ANXA3: variants seen among roughly 807,000 people sequenced by gnomAD.
ANXA3 encodes annexin A3.
Under a neutral mutation model 48.8 loss-of-function variants are expected in ANXA3, and 46 were observed. The ratio of observed to expected loss-of-function variants is 0.94; its 90% CI spans 0.74 to 1.21. The LOEUF is 1.21. ANXA3 is among the 50% of genes most tolerant of loss of function. The probability of loss-of-function intolerance (pLI) is 0.00; values close to 1 mark genes in which losing one functional copy is unlikely to be tolerated. For missense variants in ANXA3, 383 were observed against 378.6 expected, an observed-to-expected ratio of 1.01 and a Z score of -0.10; for synonymous variants, 128 against 134.7, an observed-to-expected ratio of 0.95 and a Z score of 0.35.
chr4:78,601,595 C>G, intron 11 of ANXA3, 27 bp downstream of exon 11: 1 of 1,595,402 alleles, frequency 6.3e-7, no homozygotes, highest in Non-Finnish European at 8.6e-7. Context: ...CATGTGCATT[C>G]TTAGCGTCCC....
rs760747456 is a variant in ANXA3, at chr4:78,610,109, T to C, written c.966T>C (p.Asp322=). 2 of 1,609,912 alleles carry C rather than the reference T, an allele frequency of 1.2e-6. No individual in the cohort carries two copies. The highest frequency in any genetic ancestry group is 2.7e-5 in the African/African-American group (2 of 74,810). ...EITLLKICGG[D]D ...CACTCTTAAAAATCTGTGGTGGAGA[T>C]GACTGAACCAAGAAGATAATCTCCA... The change falls in exon 13 of 13, where the codon GAT becomes GAC. Residue 322 remains aspartate (D), a synonymous_variant. Transcript: ENST00000264908.
At chr4:78,569,897 C>T (rs1409058420) in intron 2 of ANXA3, among the ~76,000 whole-genome samples, 1 of 152,176 alleles carries the variant, frequency 6.6e-6, no homozygotes, top group African/African-American at 2.4e-5. Context: ...GACTGGGTTT[C>T]TTCCATTTTC....
In ANXA3 at chr4:78,595,392, T is replaced by A. The variant is rs769201266; in HGVS notation, c.495T>A (p.Asp165Glu). 21 of 1,613,118 alleles carry A rather than the reference T, an allele frequency of 1.3e-5. No homozygotes were observed. Among genetic ancestry groups the A allele is most frequent in the Admixed American group, 1.7e-5 (1 of 59,758 alleles). ...GTCCTCCTGTTTAGGGCAGAAGAGA[T>A]GAAAGTCTGAAAGTGGATGAGCATC... ...ALLTLADGRR[D>E]ESLKVDEHLA... Residue 165 changes from aspartate to glutamate, a missense_variant, in exon 8 of 13, where the codon GAT (aspartate) becomes GAA (glutamate). Coordinates refer to ENST00000264908, the MANE Select transcript of ANXA3 (RefSeq NM_005139.3).
chr4:78,567,488 CAT>C (rs140719239), intron 2 of ANXA3, among the ~76,000 whole-genome samples: 2,709 of 152,244 alleles, frequency 0.018, 93 homozygotes, highest in African/African-American at 0.062. Flanking sequence ...AGTTTATTAA[CAT>C]GTGTATTTTG....
chr4:78,566,726 G>A (rs1023098821), intron 2 of ANXA3, among the ~76,000 whole-genome samples: 3 of 152,048 alleles, frequency 2.0e-5, no homozygotes, highest in Non-Finnish European at 2.9e-5. Context: ...CTCACTAGTC[G>A]GGTGACGGGT....
At chr4:78,596,926 T>C (rs1259223633) in intron 9 of ANXA3, 2 of 189,604 alleles carry the variant, frequency 1.1e-5, no homozygotes, top group Non-Finnish European at 2.1e-5. Context: ...AGAATTAAGA[T>C]TTCTTTACCA....
At chr4:78,570,674 A>G (rs571422067) in intron 2 of ANXA3, among the ~76,000 whole-genome samples, 2 of 152,336 alleles carry the variant, frequency 1.3e-5, no homozygotes, top group East Asian at 1.9e-4. Flanking sequence ...GACTTGATCA[A>G]ATTCTCTGGT....
chr4:78,552,027 G>GT (rs1722398035), intron 1 of ANXA3, 168 bp downstream of exon 1: 1 of 152,366 alleles, frequency 6.6e-6, no homozygotes, highest in South Asian at 2.1e-4. Context: ...AGCTGCGTGG[G>GT]TGGGGAGCTG....
At chr4:78,565,373 T>G (rs1371846791) in intron 2 of ANXA3, among the ~76,000 whole-genome samples, 1 of 152,160 alleles carries the variant, frequency 6.6e-6, no homozygotes, top group African/African-American at 2.4e-5. Context: ...ACTCAGATGT[T>G]CAAGTACGGG....
chr4:78,583,147 TG>T lies in ANXA3; in HGVS notation c.312+860del, dbSNP rs749671660. ...TGAGCTCAGGAGTTTGAAATCAGCC[TG>T]GGCAACTTGGAGAAACCCTGTCTCT... is the stretch of plus-strand genomic sequence containing the variant. On this transcript the variant is annotated intron_variant, in intron 5 of 12. Transcript: ENST00000264908. 1.3e-3 allele frequency among the ~76,000 whole-genome samples: 203 copies of T among 150,566 alleles called. 1 individual carries two copies. Among genetic ancestry groups the T allele is most frequent in the East Asian group, 3.2e-3 (16 of 5,060 alleles).
chr4:78,564,965 T>G (rs918253116), intron 2 of ANXA3, among the ~76,000 whole-genome samples: 7 of 150,714 alleles, frequency 4.6e-5, no homozygotes, highest in African/African-American at 1.7e-4. Flanking sequence ...CAGTGTGAAA[T>G]AGGGGAGTGA....
chr4:78,592,374 G>A (rs563104990), intron 7 of ANXA3, among the ~76,000 whole-genome samples: 1 of 152,288 alleles, frequency 6.6e-6, no homozygotes, highest in Non-Finnish European at 1.5e-5. Context: ...GGTTGAAACA[G>A]CACCTGTCAA....
At chr4:78,572,293 C>G (rs1722854389) in intron 2 of ANXA3, among the ~76,000 whole-genome samples, 1 of 152,148 alleles carries the variant, frequency 6.6e-6, no homozygotes, top group East Asian at 1.9e-4. Context: ...ATATCATATT[C>G]CCTGTGTCTG....
Position 78,586,196 on chromosome 4 carries a change from A to G in ANXA3, c.313-64A>G, listed in dbSNP as rs1723172380. ...TCATCTATATAAACAAGATAATAAG[A>G]CCAAAAGGCATGAGATTAAGTTATT... is the stretch of plus-strand genomic sequence containing the variant. On this transcript the variant is annotated intron_variant, in intron 5 of 12. Transcript: ENST00000264908. 3.1e-5 allele frequency: 40 copies of G among 1,300,320 alleles called. No homozygotes were observed. The South Asian group carries it at 4.9e-4, about 16-fold the overall frequency. The allele number at this position is 1,300,320 out of a possible 1,614,324, so 80.5% of individuals were successfully genotyped here. A position where few individuals can be genotyped will look rare whatever the true frequency, so the allele number is the denominator to read the frequency against.
chr4:78,579,372 G>A (rs114973874), intron 4 of ANXA3, among the ~76,000 whole-genome samples: 95 of 152,258 alleles, frequency 6.2e-4, no homozygotes, highest in African/African-American at 2.3e-3. Flanking sequence ...AGCCCAGTGG[G>A]TTCTAAACCA....
chr4:78,595,987 G>T, intron 9 of ANXA3, 100 bp downstream of exon 9: 1 of 762,610 alleles, frequency 1.3e-6, no homozygotes, highest in Non-Finnish European at 2.2e-6. Context: ...TTAAAATTGC[G>T]AAGTCTGTTC....
intron 11 of ANXA3, chr4:78,602,211 G>T (rs1035394318): frequency 7.1e-6 from 1 of 141,290 alleles, no homozygotes; most frequent in East Asian, 2.1e-4. Context: ...CTGCACTCCA[G>T]TCTGGGCGAC....
At chr4:78,593,105 C>T (rs968781130) in intron 7 of ANXA3, among the ~76,000 whole-genome samples, 2 of 117,894 alleles carry the variant, frequency 1.7e-5, no homozygotes, top group African/African-American at 3.4e-5. Context: ...TGTACATGAA[C>T]ACACATACCA....
In ANXA3 at chr4:78,597,417, A is replaced by T; in HGVS notation, c.730+3A>T. ...TGAAGACTTACTGTTGGCCATAGGT[A>T]AGACTTCGAGTGCTGGTAAACTAAG... On this transcript the variant is annotated splice_donor_region_variant and intron_variant, in intron 10 of 12. Coordinates refer to ENST00000264908, the MANE Select transcript of ANXA3 (RefSeq NM_005139.3). 6.3e-7 allele frequency: 1 copy of T among 1,585,298 alleles called. No homozygotes were observed. Among genetic ancestry groups the T allele is most frequent in the South Asian group, 1.1e-5 (1 of 89,322 alleles).
Sources: gnomAD v4.1 joint callset for allele counts (sites outside exome capture counted in the v4.1 genomes callset) on GRCh38, gnomAD v4.1.1 for gene constraint, MANE v1.5 for transcripts, NCBI Gene and HGNC (gene_info 2026-07-23, HGNC 2026-07-21) for gene names.